CSTPP1: variants seen among roughly 807,000 people sequenced by gnomAD.
CSTPP1 encodes centriolar satellite-associated tubulin polyglutamylase complex regulator 1, also known as UPF0705 protein C11orf49.
chr11:46,936,837 A>G, the CSTPP1 span: 2 of 1,599,696 alleles, frequency 1.3e-6, no homozygotes, highest in African/African-American at 2.7e-5. Flanking sequence ...GCCCTACCGG[A>G]CTACGAGTAT....
the CSTPP1 span, among the ~76,000 whole-genome samples, chr11:47,012,537 AT>A: frequency 2.0e-4 from 30 of 152,166 alleles, no homozygotes; most frequent in Admixed American, 1.6e-3. Context: ...AGCAAACTTT[AT>A]TTGCTTTGTA....
At chr11:47,134,437 G>A in the CSTPP1 span, among the ~76,000 whole-genome samples, 1 of 152,146 alleles carries the variant, frequency 6.6e-6, no homozygotes, top group African/African-American at 2.4e-5. Context: ...GTGAACTCTT[G>A]CCTTGGCCTC....
chr11:47,043,147 T>C, the CSTPP1 span, among the ~76,000 whole-genome samples: 91 of 152,304 alleles, frequency 6.0e-4, no homozygotes, highest in African/African-American at 2.1e-3. Context: ...CAAAATGTTA[T>C]ACACACAGTG....
chr11:47,038,951 G>A, the CSTPP1 span, among the ~76,000 whole-genome samples: 1 of 121,088 alleles, frequency 8.3e-6, no homozygotes, highest in African/African-American at 2.5e-5. Context: ...ATGGGCCGCC[G>A]GGCAGAGACG....
chr11:47,013,493 T>C, the CSTPP1 span, among the ~76,000 whole-genome samples: 1 of 152,174 alleles, frequency 6.6e-6, no homozygotes, highest in Non-Finnish European at 1.5e-5. Context: ...AGTGAGAACA[T>C]GCAGTGTTTG....
At chr11:47,131,780 C>A in the CSTPP1 span, among the ~76,000 whole-genome samples, 2 of 151,978 alleles carry the variant, frequency 1.3e-5, no homozygotes, top group Non-Finnish European at 2.9e-5. Flanking sequence ...AGTTCGAGAC[C>A]AGCCTGGCCA....
chr11:47,018,591 C>T, the CSTPP1 span, among the ~76,000 whole-genome samples: 2 of 152,194 alleles, frequency 1.3e-5, no homozygotes, highest in Non-Finnish European at 2.9e-5. Context: ...CTACGCCCAG[C>T]CATGTTTAGC....
At chr11:47,120,044 T>C in the CSTPP1 span, among the ~76,000 whole-genome samples, 2 of 151,980 alleles carry the variant, frequency 1.3e-5, no homozygotes, top group African/African-American at 4.8e-5. This position sits in a 1 kb window ranked among gnomAD's most constrained non-coding sequence, Gnocchi z 4.2. Context: ...CTCCAAAAAA[T>C]GTGCTTTCAA....
chr11:47,146,688 A>G, the CSTPP1 span, among the ~76,000 whole-genome samples: 1 of 152,190 alleles, frequency 6.6e-6, no homozygotes, highest in African/African-American at 2.4e-5. Flanking sequence ...AATTTAGGCA[A>G]ATTTTTAAAG....
At chr11:47,038,870 C>G in the CSTPP1 span, among the ~76,000 whole-genome samples, 1 of 119,398 alleles carries the variant, frequency 8.4e-6, no homozygotes, top group African/African-American at 2.5e-5. Flanking sequence ...TCAGACGGGG[C>G]GGCTGGGCAG....
At chr11:47,116,661 C>T in the CSTPP1 span, among the ~76,000 whole-genome samples, 629 of 142,752 alleles carry the variant, frequency 4.4e-3, 34 homozygotes, top group East Asian at 0.11. Context: ...TTTTGCTTTC[C>T]ATTTGCTTGG....
the CSTPP1 span, chr11:46,948,121 T>A: frequency 2.2e-6 from 1 of 456,254 alleles, no homozygotes; most frequent in Non-Finnish European, 4.4e-6. Context: ...CCAGAACCGG[T>A]CGGCTCCATG....
the CSTPP1 span, among the ~76,000 whole-genome samples, chr11:47,094,361 A>T: frequency 5.9e-5 from 9 of 152,324 alleles, no homozygotes; most frequent in Non-Finnish European, 1.2e-4. Context: ...AGTTACAGTT[A>T]TGCAAGATGA....
At chr11:47,071,641 C>T in the CSTPP1 span, among the ~76,000 whole-genome samples, 159 of 152,080 alleles carry the variant, frequency 1.0e-3, 3 homozygotes, top group Non-Finnish European at 4.0e-4. Context: ...CCTGCTGGGT[C>T]GTGCTTACTT....
the CSTPP1 span, among the ~76,000 whole-genome samples, chr11:47,089,366 AAAGATTGTCT>A: frequency 1.8e-3 from 269 of 152,258 alleles, no homozygotes; most frequent in African/African-American, 6.2e-3. Flanking sequence ...CATTAGCCTC[AAAGATTGTCT>A]AATGTTCATT....
chr11:47,155,579 A>AACTT, the CSTPP1 span: 1 of 409,232 alleles, frequency 2.4e-6, no homozygotes. Flanking sequence ...GCTTACTGAA[A>AACTT]ACTTACTATG....
chr11:47,064,678 T>G, the CSTPP1 span, among the ~76,000 whole-genome samples: 1 of 152,200 alleles, frequency 6.6e-6, no homozygotes, highest in African/African-American at 2.4e-5. Context: ...TTTTGTTGGT[T>G]TGCCTGTCCT....
At chr11:47,160,936 A>T in the CSTPP1 span, 5 of 673,156 alleles carry the variant, frequency 7.4e-6, no homozygotes, top group African/African-American at 9.0e-5. Context: ...GATTCAATAA[A>T]TGTATCAAGC....
chr11:47,024,094 C>T, the CSTPP1 span, among the ~76,000 whole-genome samples: 241 of 151,768 alleles, frequency 1.6e-3, no homozygotes, highest in African/African-American at 5.5e-3. Flanking sequence ...CACTTTGTTA[C>T]CCAGGCTGGA....
Sources: gnomAD v4.1 joint callset for allele counts (sites outside exome capture counted in the v4.1 genomes callset) on GRCh38, gnomAD v4.1.1 for gene constraint, Gnocchi (gnomAD v3.1) non-coding constraint, MANE v1.5 for transcripts, NCBI Gene and HGNC (gene_info 2026-07-23, HGNC 2026-07-21) for gene names.